ZNF516: variants seen among roughly 807,000 people sequenced by gnomAD.
ZNF516 encodes zinc finger protein 516.
In ZNF516, 19 loss-of-function variants were observed where a neutral mutation model predicts 79.7. The observed-to-expected ratio is 0.24, with a 90% CI of 0.17 to 0.35. The LOEUF (loss-of-function observed/expected upper bound fraction) is 0.35, where lower values mean the gene tolerates loss of function less well. ZNF516 is among the 10% of genes least tolerant of loss of function. The probability of loss-of-function intolerance (pLI) is 1.00; values close to 1 mark genes in which losing one functional copy is unlikely to be tolerated. For missense variants in ZNF516, 1,678 were observed against 1,679.5 expected, an observed-to-expected ratio of 1.00 and a Z score of 0.02; for synonymous variants, 877 against 739.5, an observed-to-expected ratio of 1.19 and a Z score of -3.02.
intron 3 of ZNF516, chr18:76,385,593 G>A (rs1258663883): frequency 6.6e-6 from 1 of 152,260 alleles, no homozygotes; most frequent in African/African-American, 2.4e-5. Flanking sequence ...TTCCATGGGT[G>A]TTTAAAGCAC....
At chr18:76,371,700 T>C in intron 4 of ZNF516, 129 bp from the exon 5 acceptor site, 2 of 709,552 alleles carry the variant, frequency 2.8e-6, no homozygotes, top group Non-Finnish European at 4.8e-6. Context: ...CATGTGAGGC[T>C]CCCTTCAGGC....
At chr18:76,480,781 CA>C (rs1415488092) in intron 1 of ZNF516, among the ~76,000 whole-genome samples, 2 of 152,158 alleles carry the variant, frequency 1.3e-5, no homozygotes, top group African/African-American at 4.8e-5. Flanking sequence ...CTCGGCCTCC[CA>C]AAATGCTGGG....
At chr18:76,429,547 G>A (rs186324873) in intron 3 of ZNF516, among the ~76,000 whole-genome samples, 99 of 152,260 alleles carry the variant, frequency 6.5e-4, no homozygotes, top group African/African-American at 2.2e-3. Flanking sequence ...ACCAAGGCCA[G>A]CAGTGCACAA....
At chr18:76,385,501 T>C (rs2074972874) in intron 3 of ZNF516, 1 of 152,260 alleles carries the variant, frequency 6.6e-6, no homozygotes, top group Non-Finnish European at 1.5e-5. Context: ...CAAAAAAGTC[T>C]GCAGCCACGC....
chr18:76,404,916 G>A (rs529064919), intron 3 of ZNF516, among the ~76,000 whole-genome samples: 2 of 152,228 alleles, frequency 1.3e-5, no homozygotes, highest in Admixed American at 6.5e-5. Flanking sequence ...GTGTGGGGCC[G>A]TCCCTGCAGA....
At chr18:76,485,647 TCTG>T (rs1483535971) in intron 1 of ZNF516, among the ~76,000 whole-genome samples, 8 of 152,162 alleles carry the variant, frequency 5.3e-5, no homozygotes, top group African/African-American at 1.9e-4. Context: ...GGTGGAATCT[TCTG>T]TGGGGTTCCA....
At chr18:76,402,029 G>A (rs969636997) in intron 3 of ZNF516, among the ~76,000 whole-genome samples, 2 of 151,968 alleles carry the variant, frequency 1.3e-5, no homozygotes, top group Non-Finnish European at 1.5e-5. Context: ...ACACGTGCGC[G>A]CATGTGTGCA....
intron 1 of ZNF516, chr18:76,492,048 G>A (rs1454256539): frequency 5.5e-6 from 3 of 548,786 alleles, no homozygotes; most frequent in Non-Finnish European, 7.0e-6. Flanking sequence ...GTGCGGCCTG[G>A]TGGCCGGGCA....
At position 76,442,132 on chromosome 18, in the gene ZNF516, G is replaced by T. The variant is rs1262659492; in HGVS notation, c.923C>A (p.Pro308His). Residue 308 changes from proline to histidine, a missense_variant, in exon 3 of 7, where the codon CCC (proline) becomes CAC (histidine). Around this residue, in one of 5 missense-constraint regions of ZNF516, gnomAD observed 1,294 missense variants for 1,248.3 expected, o/e 1.04. Transcript: ENST00000443185. ...GGCGATGGGGTCCAGCTCACTCTTG[G>T]GCCTGTTCTTGCTGCCCGTCTTGGG... ...HGPKTGSKNR[P>H]KSELDPIATI... is the part of the protein sequence containing the mutation. 6.2e-7 allele frequency: 1 copy of T among 1,613,844 alleles called. No individual in the cohort carries two copies. The highest frequency in any genetic ancestry group is 8.5e-7 in the Non-Finnish European group (1 of 1,179,892).
intron 1 of ZNF516, chr18:76,490,841 G>A (rs747784448): frequency 1.0e-6 from 1 of 985,480 alleles, no homozygotes; most frequent in Non-Finnish European, 1.2e-6. Flanking sequence ...TTGTTACGCA[G>A]GGGACACCCC....
intron 3 of ZNF516, among the ~76,000 whole-genome samples, chr18:76,417,402 C>T (rs896120756): frequency 5.3e-4 from 81 of 152,170 alleles, no homozygotes; most frequent in African/African-American, 1.8e-3. Flanking sequence ...AAGTCTTCTG[C>T]CTTCAATAAC....
chr18:76,385,161 C>T (rs2074967013), intron 3 of ZNF516, among the ~76,000 whole-genome samples: 1 of 152,230 alleles, frequency 6.6e-6, no homozygotes, highest in African/African-American at 2.4e-5. Flanking sequence ...CTGCTCTGTC[C>T]TCGGCTCAAA....
At chr18:76,439,806 G>A (rs2075790815) in intron 3 of ZNF516, among the ~76,000 whole-genome samples, 2 of 151,886 alleles carry the variant, frequency 1.3e-5, no homozygotes, top group African/African-American at 4.8e-5. Context: ...TCCAGCATGT[G>A]CTCCAAAAAG....
intron 1 of ZNF516, chr18:76,492,416 G>A: frequency 1.0e-6 from 1 of 969,684 alleles, no homozygotes; most frequent in Non-Finnish European, 1.2e-6. Context: ...CGCAGCCAGG[G>A]CGCAGCGTTC....
At chr18:76,415,299 G>A (rs1040772061) in intron 3 of ZNF516, among the ~76,000 whole-genome samples, 4 of 152,338 alleles carry the variant, frequency 2.6e-5, no homozygotes, top group South Asian at 2.1e-4. Context: ...CTGATAAGGC[G>A]TGAGTGTTCC....
chr18:76,466,322 G>A (rs1229203595), intron 1 of ZNF516, among the ~76,000 whole-genome samples: 2 of 152,300 alleles, frequency 1.3e-5, no homozygotes, highest in East Asian at 3.9e-4. Flanking sequence ...CAGAGACTCC[G>A]TTCCCTTGGG....
At chr18:76,460,132 T>C (rs922505129) in intron 2 of ZNF516, among the ~76,000 whole-genome samples, 5 of 152,192 alleles carry the variant, frequency 3.3e-5, no homozygotes, top group Non-Finnish European at 5.9e-5. Flanking sequence ...CACCCGAAGG[T>C]TGAAACATGC....
At chr18:76,384,358 C>T (rs1454099948) in intron 3 of ZNF516, among the ~76,000 whole-genome samples, 3 of 132,192 alleles carry the variant, frequency 2.3e-5, no homozygotes, top group African/African-American at 5.7e-5. Context: ...GCTCTCACGT[C>T]CCCTCCACGG....
intron 3 of ZNF516, among the ~76,000 whole-genome samples, chr18:76,433,687 G>A (rs757292222): frequency 6.6e-6 from 1 of 152,168 alleles, no homozygotes; most frequent in Non-Finnish European, 1.5e-5. Context: ...TTGCAAGGAG[G>A]AACACCAAAG....
Sources: allele counts gnomAD v4.1 joint callset (sites outside exome capture counted in the v4.1 genomes callset), GRCh38; gene constraint gnomAD v4.1.1; regional missense constraint gnomAD v4.1.1; transcripts MANE v1.5; gene names NCBI Gene and HGNC (gene_info 2026-07-23, HGNC 2026-07-21).